Variants in TMEM62 observed in about 807,000 individuals in gnomAD.
TMEM62 encodes the protein transmembrane protein 62.
TMEM62 carries 41 observed loss-of-function variants against 70.4 expected under a neutral mutation model. That is an observed-to-expected ratio of 0.58 (90% CI 0.45 to 0.76). The LOEUF (loss-of-function observed/expected upper bound fraction) is 0.76, where lower values mean the gene tolerates loss of function less well. Ranked by LOEUF, TMEM62 falls within the 30% of genes least tolerant of loss-of-function variation. The pLI, the probability that TMEM62 is intolerant of heterozygous loss-of-function variation, is 0.00. For synonymous variants in TMEM62, 268 were observed against 291.0 expected, an observed-to-expected ratio of 0.92 and a Z score of 0.80; for missense variants, 688 against 788.5, an observed-to-expected ratio of 0.87 and a Z score of 1.53.
intron 12 of TMEM62, 23 bp downstream of exon 12, chr15:43,178,734 T>C (rs1286318777): frequency 1.4e-6 from 2 of 1,455,054 alleles, no homozygotes; most frequent in Non-Finnish European, 1.9e-6. Flanking sequence ...GTACAGATTA[T>C]GGGGAATTTT....
intron 10 of TMEM62, chr15:43,168,894 A>G (rs546676344): frequency 6.6e-6 from 1 of 152,400 alleles, no homozygotes; most frequent in Admixed American, 6.5e-5. Context: ...TCAGGTTCCT[A>G]CCACTGGGGC....
intron 11 of TMEM62, among the ~76,000 whole-genome samples, chr15:43,178,347 A>T (rs2040987649): frequency 6.6e-6 from 1 of 152,094 alleles, no homozygotes; most frequent in South Asian, 2.1e-4. Flanking sequence ...TATAACAATT[A>T]TGTATCTTAT....
rs1427656047 is a variant in TMEM62 at position 43,169,631 on chromosome 15, C to T, written c.1335C>T (p.Leu445=). ...VLFVLIVLSQ[L]TILIIFRYRG... is the part of the protein sequence containing the mutation. The stretch of plus-strand genomic sequence containing the variant: ...TTGTGCTGATTGTGCTGAGCCAGCT[C>T]ACCATTCTCATTATTTTTAGATATC... The change falls in exon 11 of 14, where the codon CTC becomes CTT. Residue 445 remains leucine, a synonymous_variant. Transcript: ENST00000260403. The T allele has an allele frequency of 6.2e-7, 1 of 1,614,124 alleles. No homozygotes were observed. Among genetic ancestry groups the T allele is most frequent in the Non-Finnish European group, 8.5e-7 (1 of 1,180,006 alleles).
chr15:43,138,670 G>A, intron 4 of TMEM62, 51 bp downstream of exon 4: 1 of 1,412,622 alleles, frequency 7.1e-7, no homozygotes, highest in South Asian at 1.2e-5. Context: ...GTGTTATAAG[G>A]AGGGTGTGGT....
chr15:43,147,456 A>T (rs536304146), intron 5 of TMEM62, among the ~76,000 whole-genome samples: 2 of 152,320 alleles, frequency 1.3e-5, no homozygotes, highest in East Asian at 3.9e-4. Context: ...AGTAAGACAT[A>T]TGTGCTCATA....
intron 9 of TMEM62, among the ~76,000 whole-genome samples, chr15:43,159,780 T>C (rs1053756276): frequency 6.6e-6 from 1 of 152,170 alleles, no homozygotes; most frequent in African/African-American, 2.4e-5. Flanking sequence ...CACTGGTTTC[T>C]TGTAGTGAGA....
At chr15:43,147,544 T>C (rs1274899858) in intron 5 of TMEM62, among the ~76,000 whole-genome samples, 1 of 152,174 alleles carries the variant, frequency 6.6e-6, no homozygotes, top group Non-Finnish European at 1.5e-5. Context: ...ATAAGACCAG[T>C]ATAGAAATAA....
chr15:43,140,383 G>A (rs766067180), intron 4 of TMEM62, among the ~76,000 whole-genome samples: 8 of 152,140 alleles, frequency 5.3e-5, no homozygotes, highest in South Asian at 4.1e-4. Flanking sequence ...GGAGTGGCCC[G>A]TTGCAGACAC....
intron 11 of TMEM62, among the ~76,000 whole-genome samples, chr15:43,170,689 G>T (rs1254745417): frequency 6.6e-6 from 1 of 152,214 alleles, no homozygotes; most frequent in East Asian, 1.9e-4. Context: ...CCTGAAGTGT[G>T]ATTGCTCCTC....
chr15:43,179,538 G>A (rs910511816), intron 12 of TMEM62, among the ~76,000 whole-genome samples: 3 of 152,134 alleles, frequency 2.0e-5, no homozygotes, highest in Non-Finnish European at 4.4e-5. Context: ...GATATGTAAG[G>A]ACAAAATTGC....
At chr15:43,167,288 G>C (rs954351651) in intron 10 of TMEM62, among the ~76,000 whole-genome samples, 2 of 151,566 alleles carry the variant, frequency 1.3e-5, no homozygotes, top group African/African-American at 4.8e-5. Context: ...CCTCCCGGAC[G>C]GGGTGGCTGC....
chr15:43,170,365 A>G (rs2040054929), intron 11 of TMEM62, among the ~76,000 whole-genome samples: 1 of 152,204 alleles, frequency 6.6e-6, no homozygotes, highest in African/African-American at 2.4e-5. Context: ...TCAAGGTCAA[A>G]AAAGATTTAA....
At chr15:43,180,193 G>A (rs1459728391) in intron 12 of TMEM62, among the ~76,000 whole-genome samples, 4 of 152,052 alleles carry the variant, frequency 2.6e-5, no homozygotes, top group Non-Finnish European at 5.9e-5. Flanking sequence ...TGCAATCTTG[G>A]CTCACTGCAG....
intron 9 of TMEM62, among the ~76,000 whole-genome samples, chr15:43,157,480 C>T (rs1246965976): frequency 1.3e-5 from 2 of 152,080 alleles, no homozygotes; most frequent in African/African-American, 4.8e-5. Flanking sequence ...AATATAAGCA[C>T]ATTTTGAGCA....
intron 4 of TMEM62, 70 bp downstream of exon 4, chr15:43,138,689 T>C (rs1349378584): frequency 7.9e-7 from 1 of 1,260,196 alleles, no homozygotes; most frequent in Non-Finnish European, 1.1e-6. Context: ...GTCAACTCAA[T>C]GAATGAGAGA....
chr15:43,173,855 C>CTTTTT (rs751203696), intron 11 of TMEM62, among the ~76,000 whole-genome samples: 2 of 107,382 alleles, frequency 1.9e-5, no homozygotes, highest in African/African-American at 6.2e-5. Context: ...AATGCAGGAA[C>CTTTTT]TTTTTTTTTT....
chr15:43,155,940 C>T (rs2038001356), intron 9 of TMEM62, among the ~76,000 whole-genome samples: 1 of 152,072 alleles, frequency 6.6e-6, no homozygotes, highest in Non-Finnish European at 1.5e-5. Flanking sequence ...AATTTATTAG[C>T]ACCTGCCAGA....
chr15:43,170,707 G>GA (rs2040095773), intron 11 of TMEM62, among the ~76,000 whole-genome samples: 2 of 152,174 alleles, frequency 1.3e-5, no homozygotes, highest in Admixed American at 6.5e-5. Context: ...CTCCTTATGG[G>GA]AAGCCTGTTT....
At chr15:43,177,062 C>A (rs552921910) in intron 11 of TMEM62, among the ~76,000 whole-genome samples, 1 of 151,768 alleles carries the variant, frequency 6.6e-6, no homozygotes, top group Admixed American at 6.6e-5. Flanking sequence ...GGAGCCGATG[C>A]GATCAACTGG....
Sources: allele counts gnomAD v4.1 joint callset (sites outside exome capture counted in the v4.1 genomes callset), GRCh38; gene constraint gnomAD v4.1.1; transcripts MANE v1.5; gene names NCBI Gene and HGNC (gene_info 2026-07-23, HGNC 2026-07-21).